ATR: variants seen among roughly 807,000 people sequenced by gnomAD.
ATR encodes ATR checkpoint kinase.
A neutral mutation model predicts 305.3 loss-of-function variants in ATR; 142 were observed. The observed-to-expected ratio is 0.47, with a 90% CI of 0.41 to 0.53. ATR has a LOEUF of 0.53. ATR is among the 20% of genes least tolerant of loss of function. ATR has a pLI of 0.00. For missense variants in ATR, 2,135 were observed against 3,133.1 expected, an observed-to-expected ratio of 0.68 and a Z score of 7.60; for synonymous variants, 1,050 against 1,068.1, an observed-to-expected ratio of 0.98 and a Z score of 0.33.
chr3:142,576,380 T>C (rs959047166), intron 1 of ATR, among the ~76,000 whole-genome samples: 2 of 152,176 alleles, frequency 1.3e-5, no homozygotes, highest in African/African-American at 4.8e-5. Flanking sequence ...ATTTGGGAGT[T>C]ATCAGCATAT....
chr3:142,505,908 G>A (rs977118043), intron 28 of ATR, among the ~76,000 whole-genome samples: 2 of 152,166 alleles, frequency 1.3e-5, no homozygotes, highest in Non-Finnish European at 2.9e-5. Flanking sequence ...AACAGGAGAA[G>A]TGAGATAACT....
chr3:142,503,442 A>G lies in ATR; in HGVS notation c.5208T>C (p.Tyr1736=), dbSNP rs2227931. ...IQLEPDQIIH[Y]HGVVKSMLGL... is the part of the protein sequence containing the mutation. ...CTAACATGGACTTTACTACACCATG[A>G]TAATGAATGATCTAGAAATTTAAAA... Residue 1736 remains tyrosine (Y), a synonymous_variant, in exon 30 of 47, where the codon TAT becomes TAC. Transcript: ENST00000350721. 610,189 of 1,587,382 alleles carry G rather than the reference A, an allele frequency of 0.38. 120,773 individuals are homozygous for G. The highest frequency in any genetic ancestry group is 0.41 in the Non-Finnish European group (473,651 of 1,157,726).
chr3:142,449,309 ATAACAG>A lies in ATR; in HGVS notation c.*114_*119del. On this transcript the variant is annotated 3_prime_UTR_variant, in exon 47 of 47. Coordinates refer to ENST00000350721, the MANE Select transcript of ATR (RefSeq NM_001184.4). ...ACATATAATTAATGATCAGAGAGAA[ATAACAG>A]TTGCTGAGAACGTAAATTTATGTTG... is the stretch of plus-strand genomic sequence containing the variant. 1 of 882,606 alleles carries A rather than the reference ATAACAG, an allele frequency of 1.1e-6. No individual in the cohort carries two copies. Among genetic ancestry groups the A allele is most frequent in the Non-Finnish European group, 1.8e-6 (1 of 565,886 alleles). The allele number at this position is 882,606 out of a possible 1,614,324, so 54.7% of individuals were successfully genotyped here.
At chr3:142,523,151 G>A (rs1291354242) in intron 22 of ATR, among the ~76,000 whole-genome samples, 7 of 152,182 alleles carry the variant, frequency 4.6e-5, no homozygotes, top group Non-Finnish European at 8.8e-5. Flanking sequence ...GCCAGGCATG[G>A]TGGCTAATGG....
intron 46 of ATR, chr3:142,452,816 C>T (rs2070821351): frequency 8.3e-7 from 1 of 1,200,860 alleles, no homozygotes; most frequent in African/African-American, 1.6e-5. Flanking sequence ...AAAGCTCAGA[C>T]CTGTTGTTCT....
At chr3:142,557,691 G>T (rs936765126) in intron 8 of ATR, among the ~76,000 whole-genome samples, 1 of 152,178 alleles carries the variant, frequency 6.6e-6, no homozygotes, top group Non-Finnish European at 1.5e-5. Context: ...GGAGTGCAGG[G>T]GTGCAATCTT....
chr3:142,528,879 A>ATATTTT (rs1215767510), intron 21 of ATR, among the ~76,000 whole-genome samples: 26 of 30,488 alleles, frequency 8.5e-4, no homozygotes, highest in African/African-American at 2.7e-3. Context: ...ATATATATAT[A>ATATTTT]TTTTTTTTTT....
chr3:142,465,090 T>C lies in ATR; in HGVS notation c.7041+7A>G, dbSNP rs2071097632. The C allele has an allele frequency of 2.0e-6, 3 of 1,497,078 alleles. No individual in the cohort carries two copies. Among genetic ancestry groups the C allele is most frequent in the Admixed American group, 2.0e-5 (1 of 49,888 alleles). The allele number at this position is 1,497,078 out of a possible 1,614,324, so 92.7% of individuals were successfully genotyped here. On this transcript the variant is annotated splice_region_variant and intron_variant, in intron 41 of 46. Coordinates refer to ENST00000350721, the MANE Select transcript of ATR (RefSeq NM_001184.4). ...ATAAATAAAATAAAAGCAAACTATC[T>C]CCCAACCTTATTAATCAAGGAATTG... is the stretch of plus-strand genomic sequence containing the variant.
At chr3:142,466,205 C>T in intron 40 of ATR, 119 bp downstream of exon 40, 1 of 1,179,218 alleles carries the variant, frequency 8.5e-7, no homozygotes, top group South Asian at 1.4e-5. Context: ...TCTGTATTTC[C>T]AATTATTTTT....
intron 17 of ATR, 118 bp downstream of exon 17, chr3:142,542,547 G>T: frequency 1.0e-6 from 1 of 955,802 alleles, no homozygotes; most frequent in Non-Finnish European, 1.6e-6. Context: ...GAGTTCTTCA[G>T]CAATAGAGAA....
chr3:142,553,590 G>A (rs952527141), intron 12 of ATR, 50 bp downstream of exon 12: 1 of 1,528,482 alleles, frequency 6.5e-7, no homozygotes, highest in African/African-American at 1.4e-5. Context: ...AAATAAAAAT[G>A]GAGAATGGCC....
intron 46 of ATR, chr3:142,452,560 G>C (rs868563843): frequency 8.1e-6 from 5 of 615,924 alleles, no homozygotes; most frequent in South Asian, 1.4e-4. Flanking sequence ...TATAATCCCA[G>C]CTACTTGGGA....
At chr3:142,487,890 C>A (rs2031040918) in intron 35 of ATR, among the ~76,000 whole-genome samples, 2 of 152,112 alleles carry the variant, frequency 1.3e-5, no homozygotes, top group South Asian at 4.1e-4. Flanking sequence ...TTTTGTTTTC[C>A]TATAAGATAC....
At chr3:142,481,904 TC>T (rs1389235730) in intron 36 of ATR, among the ~76,000 whole-genome samples, 12 of 152,004 alleles carry the variant, frequency 7.9e-5, no homozygotes, top group Non-Finnish European at 7.4e-5. Flanking sequence ...CTCTCCGCAA[TC>T]TCCACCTCCT....
chr3:142,552,201 T>C (rs192937433), intron 13 of ATR, among the ~76,000 whole-genome samples: 2 of 152,256 alleles, frequency 1.3e-5, no homozygotes, highest in East Asian at 3.9e-4. Flanking sequence ...GAGTCTAAAT[T>C]AGTTAAACCA....
Position 142,512,320 on chromosome 3 carries a change from C to A in ATR, c.4792G>T (p.Ala1598Ser), listed in dbSNP as rs187734529. The change falls in exon 27 of 47, where the codon GCA becomes TCA. Residue 1598 changes from alanine (A) to serine (S), a missense_variant. Ala to Ser is a moderately conservative substitution (Grantham distance 99). This residue lies in a region of ATR where 202 missense variants were observed against 252.9 expected (regional missense o/e 0.80). Transcript: ENST00000350721. ...LTQWARHKFQ[A>S]LKAEKCPHSK... ...TGTGGACATTTCTCAGCTTTCAGTG[C>A]CTGAAATTTGTGCCTTGCCCACTGT... 10 of 1,613,418 alleles carry A rather than the reference C, an allele frequency of 6.2e-6. No individual in the cohort carries two copies. Among genetic ancestry groups the A allele is most frequent in the African/African-American group, 1.3e-5 (1 of 74,720 alleles).
rs1258095036 is a variant in ATR at position 142,538,345 on chromosome 3, C to T, written c.3725+137G>A. The T allele has an allele frequency of 6.7e-6, 6 of 891,816 alleles. No homozygotes were observed. In the Admixed American group the frequency reaches 1.4e-4, roughly 20 times the overall value. The allele number at this position is 891,816 out of a possible 1,614,324, so 55.2% of individuals were successfully genotyped here. On this transcript the variant is annotated intron_variant, in intron 19 of 46. Coordinates refer to ENST00000350721, the MANE Select transcript of ATR (RefSeq NM_001184.4). ...ATAGCATCATTTCAATATGTAATTA[C>T]ATGCCAATTACTTTTGTTTATTGAT...
chr3:142,472,085 T>TTCTGTGTGTGTGTG (rs3223772), intron 36 of ATR: 1 of 144,126 alleles, frequency 6.9e-6, no homozygotes, highest in Non-Finnish European at 1.5e-5. Context: ...TAGTATTCCA[T>TTCTGTGTGTGTGTG]TGTGTGTGTG....
At chr3:142,484,457 A>G (rs1192340574) in intron 36 of ATR, among the ~76,000 whole-genome samples, 5 of 152,204 alleles carry the variant, frequency 3.3e-5, no homozygotes, top group Non-Finnish European at 5.9e-5. Context: ...AGGATGGCAC[A>G]GCCCATCTCC....
Sources: allele counts gnomAD v4.1 joint callset (sites outside exome capture counted in the v4.1 genomes callset), GRCh38; gene constraint gnomAD v4.1.1; regional missense constraint gnomAD v4.1.1; transcripts MANE v1.5; gene names NCBI Gene and HGNC (gene_info 2026-07-23, HGNC 2026-07-21).